Variants in ARHGAP10 observed in about 807,000 individuals in gnomAD.
ARHGAP10 encodes Rho GTPase activating protein 10, also known as rho GTPase-activating protein 10.
ARHGAP10 carries 87 observed loss-of-function variants against 108.6 expected under a neutral mutation model. That is an observed-to-expected ratio of 0.80 (90% CI 0.67 to 0.96). ARHGAP10 has a LOEUF of 0.96. ARHGAP10 is among the 40% of genes least tolerant of loss of function. The pLI, the probability that ARHGAP10 is intolerant of heterozygous loss-of-function variation, is 0.00. For synonymous variants in ARHGAP10, 347 were observed against 341.1 expected (o/e 1.02, Z -0.19); for missense variants, 939 against 954.5 (o/e 0.98, Z 0.21).
chr4:147,915,166 T>C (rs186249333), intron 13 of ARHGAP10, among the ~76,000 whole-genome samples: 24 of 152,044 alleles, frequency 1.6e-4, no homozygotes, highest in Non-Finnish European at 2.8e-4. Context: ...GAGTAGGAGC[T>C]GTTGTATGAT....
chr4:147,990,798 G>T (rs1034469657), intron 18 of ARHGAP10, among the ~76,000 whole-genome samples: 2 of 152,060 alleles, frequency 1.3e-5, no homozygotes, highest in African/African-American at 4.8e-5. Flanking sequence ...GGAGCACGAG[G>T]ATCACAAAAC....
At chr4:148,002,510 C>G (rs1474257982) in intron 18 of ARHGAP10, among the ~76,000 whole-genome samples, 1 of 152,168 alleles carries the variant, frequency 6.6e-6, no homozygotes, top group Non-Finnish European at 1.5e-5. Flanking sequence ...CCTTGTACCT[C>G]TGGTAGAATT....
At chr4:147,906,816 C>T (rs910271514) in intron 11 of ARHGAP10, 97 bp downstream of exon 11, 2 of 1,461,852 alleles carry the variant, frequency 1.4e-6, no homozygotes, top group Admixed American at 1.8e-5. Context: ...AGAAAAGTTC[C>T]CTTCTATAAC....
At chr4:147,851,403 C>T (rs1016727133) in intron 4 of ARHGAP10, among the ~76,000 whole-genome samples, 2 of 152,160 alleles carry the variant, frequency 1.3e-5, no homozygotes, top group South Asian at 4.2e-4. Context: ...TTTGTAGAGA[C>T]GGTCTCTCTG....
chr4:147,773,244 T>C (rs987012493), intron 1 of ARHGAP10, among the ~76,000 whole-genome samples: 4 of 152,226 alleles, frequency 2.6e-5, no homozygotes, highest in Non-Finnish European at 5.9e-5. Flanking sequence ...AATGTACATA[T>C]GTATGTATAT....
At position 147,966,816 on chromosome 4, in the gene ARHGAP10, A is replaced by G. The variant is rs773875616; in HGVS notation, c.1693A>G (p.Ile565Val). The change falls in exon 18 of 23, where the codon ATC (isoleucine) becomes GTC (valine). Residue 565 changes from isoleucine to valine, a missense_variant. Ile to Val is a conservative substitution (Grantham distance 29, BLOSUM62 3). Transcript: ENST00000336498. Reference protein sequence around the residue: ...DLKFQNIVVEILIENHEKIFR... With the variant: ...DLKFQNIVVEVLIENHEKIFR... ...GAAGTTTCAGAATATTGTTGTGGAA[A>G]TCTTAATTGAAAACCATGAAAAGGT... The G allele has an allele frequency of 6.3e-7, 1 of 1,575,028 alleles. No individual in the cohort carries two copies. Among genetic ancestry groups the G allele is most frequent in the African/African-American group, 1.4e-5 (1 of 74,018 alleles).
chr4:147,804,675 A>G (rs1297684897), intron 1 of ARHGAP10, among the ~76,000 whole-genome samples: 3 of 152,204 alleles, frequency 2.0e-5, no homozygotes, highest in South Asian at 2.1e-4. Context: ...TTTGGTAGCC[A>G]TTGTGACTGA....
chr4:147,785,073 G>A (rs1246751354), intron 1 of ARHGAP10, among the ~76,000 whole-genome samples: 2 of 89,236 alleles, frequency 2.2e-5, no homozygotes, highest in Non-Finnish European at 4.3e-5. Context: ...ATGTATGGAC[G>A]ACTATTTTCT....
rs1309603296 is a variant in ARHGAP10 at position 147,965,130 on chromosome 4, G to A, written c.1556+1G>A. The stretch of plus-strand genomic sequence containing the variant: ...ATATTTTGGTGAAACACTTAACAAA[G>A]TAAGCCTCTTTTTCTTCGTTTTAAC... On this transcript the variant is annotated splice_donor_variant, in intron 17 of 22. Coordinates refer to ENST00000336498, the MANE Select transcript of ARHGAP10 (RefSeq NM_024605.4). LOFTEE classifies it high-confidence loss of function. The A allele has an allele frequency of 3.1e-6, 5 of 1,594,684 alleles. No individual in the cohort carries two copies. Among genetic ancestry groups the A allele is most frequent in the Non-Finnish European group, 4.3e-6 (5 of 1,169,256 alleles).
intron 17 of ARHGAP10, 63 bp downstream of exon 17, chr4:147,965,192 G>A: frequency 7.6e-7 from 1 of 1,310,474 alleles, no homozygotes; most frequent in Non-Finnish European, 1.0e-6. Flanking sequence ...GTAGTGCTCT[G>A]GGATTTGTGA....
intron 1 of ARHGAP10, among the ~76,000 whole-genome samples, chr4:147,745,091 A>G (rs949375665): frequency 5.3e-5 from 8 of 152,062 alleles, no homozygotes; most frequent in African/African-American, 9.7e-5. Flanking sequence ...AAGAGTGTTC[A>G]GAGAGCAGGA....
intron 5 of ARHGAP10, 184 bp downstream of exon 5, chr4:147,857,838 C>A: frequency 2.5e-6 from 1 of 394,710 alleles, no homozygotes; most frequent in Non-Finnish European, 4.0e-6. Context: ...ATGAATACAT[C>A]TTATAGTGAT....
intron 3 of ARHGAP10, among the ~76,000 whole-genome samples, chr4:147,832,368 T>G (rs1579094524): frequency 6.9e-6 from 1 of 145,196 alleles, no homozygotes; most frequent in African/African-American, 2.6e-5. Context: ...AAAAGAGGAG[T>G]CCAGGCACGG....
intron 10 of ARHGAP10, among the ~76,000 whole-genome samples, chr4:147,891,151 A>G (rs1735781259): frequency 6.6e-6 from 1 of 152,238 alleles, no homozygotes; most frequent in African/African-American, 2.4e-5. Context: ...AAATGAAAGC[A>G]TATGTTTACA....
At chr4:147,972,994 A>T (rs74507810) in intron 18 of ARHGAP10, among the ~76,000 whole-genome samples, 19,203 of 151,972 alleles carry the variant, frequency 0.13, 1,552 homozygotes, top group African/African-American at 0.23. Context: ...ATCTCAAGTG[A>T]TCCACCGGCC....
intron 18 of ARHGAP10, among the ~76,000 whole-genome samples, chr4:147,983,481 G>A (rs1421113684): frequency 2.6e-5 from 4 of 151,622 alleles, no homozygotes; most frequent in Non-Finnish European, 5.9e-5. Flanking sequence ...CACTGCACTC[G>A]GCCTGTTCAT....
intron 1 of ARHGAP10, among the ~76,000 whole-genome samples, chr4:147,814,483 A>G (rs1271401010): frequency 1.3e-5 from 2 of 152,152 alleles, no homozygotes; most frequent in African/African-American, 4.8e-5. Flanking sequence ...TGAACACCTG[A>G]CAGCTAAATC....
intron 7 of ARHGAP10, among the ~76,000 whole-genome samples, chr4:147,870,780 C>G (rs1734782721): frequency 6.6e-6 from 1 of 152,138 alleles, no homozygotes; most frequent in Non-Finnish European, 1.5e-5. Context: ...GAATAGAATT[C>G]TTCCTGGAAG....
rs184298255 is a variant in ARHGAP10, at chr4:147,943,172, A to G, written c.1303+3273A>G. Among the ~76,000 whole-genome samples the G allele has an allele frequency of 2.6e-5, 4 of 152,316 alleles. No individual in the cohort carries two copies. The East Asian group carries it at 5.8e-4, about 22-fold the overall frequency. On this transcript the variant is annotated intron_variant, in intron 14 of 22. Transcript: ENST00000336498. ...TCCTTCTTCCCTACTTTAGTTTAAAACATCAGAGTGGAAGAAGAGGAAATT... is the reference window on the plus strand; with the variant it reads ...TCCTTCTTCCCTACTTTAGTTTAAAGCATCAGAGTGGAAGAAGAGGAAATT...
Sources: allele counts gnomAD v4.1 joint callset (sites outside exome capture counted in the v4.1 genomes callset), GRCh38; gene constraint gnomAD v4.1.1; transcripts MANE v1.5; gene names NCBI Gene and HGNC (gene_info 2026-07-23, HGNC 2026-07-21).